The following RPS6KC1 variants were observed in gnomAD, a reference collection of about 807,000 sequenced individuals.
RPS6KC1 encodes the protein inactive ribosomal protein S6 kinase delta-1.
A neutral mutation model predicts 103.8 loss-of-function variants in RPS6KC1; 54 were observed. The observed-to-expected ratio is 0.52, with a 90% confidence interval of 0.42 to 0.65. The LOEUF is 0.65. RPS6KC1 is among the 30% of genes least tolerant of loss of function. The pLI, the probability that RPS6KC1 is intolerant of heterozygous loss-of-function variation, is 0.00. For synonymous variants in RPS6KC1, 439 were observed against 438.7 expected (o/e 1.00, Z -0.01); for missense variants, 1,151 against 1,253.8 (o/e 0.92, Z 1.24).
the RPS6KC1 span, among the ~76,000 whole-genome samples, chr1:213,736,258 G>A: frequency 5.3e-5 from 8 of 152,166 alleles, no homozygotes; most frequent in African/African-American, 1.4e-4. Flanking sequence ...TCTAGTCAGG[G>A]TCCCACAAGA....
the RPS6KC1 span, among the ~76,000 whole-genome samples, chr1:213,746,302 G>A: frequency 6.6e-6 from 1 of 152,336 alleles, no homozygotes; most frequent in East Asian, 1.9e-4. Flanking sequence ...AGAGACTGCA[G>A]GGAGGTGAGG....
At chr1:213,287,393 C>T in the RPS6KC1 span, among the ~76,000 whole-genome samples, 3 of 152,190 alleles carry the variant, frequency 2.0e-5, no homozygotes, top group East Asian at 1.9e-4. Flanking sequence ...ACTTAGGAAA[C>T]GACCACTCTT....
chr1:213,103,580 G>T (rs2082206163), intron 3 of RPS6KC1, among the ~76,000 whole-genome samples: 1 of 152,172 alleles, frequency 6.6e-6, no homozygotes, highest in South Asian at 2.1e-4. Flanking sequence ...TAGTGGTTCA[G>T]TTTCACTTGC....
chr1:213,227,082 A>G lies in RPS6KC1; in HGVS notation c.1045-3415A>G, dbSNP rs544998075. Among the ~76,000 whole-genome samples the G allele has an allele frequency of 3.9e-5, 6 of 152,224 alleles. No individual in the cohort carries two copies. In the East Asian group the frequency reaches 1.2e-3, roughly 29 times the overall value. On this transcript the variant is annotated intron_variant, in intron 8 of 14. Coordinates refer to ENST00000366960, the MANE Select transcript of RPS6KC1 (RefSeq NM_012424.6). The stretch of plus-strand genomic sequence containing the variant: ...TTTTATGCTTATTTCCTTATCTGTA[A>G]ACTTGATTAATAAAAGATACCTACC...
At chr1:213,218,016 C>G (rs987633402) in intron 8 of RPS6KC1, among the ~76,000 whole-genome samples, 2 of 152,144 alleles carry the variant, frequency 1.3e-5, no homozygotes, top group African/African-American at 4.8e-5. Context: ...TTGAATAGTT[C>G]TGGCCAAGGC....
At chr1:213,545,358 T>A in the RPS6KC1 span, among the ~76,000 whole-genome samples, 1 of 145,016 alleles carries the variant, frequency 6.9e-6, no homozygotes, top group Non-Finnish European at 1.5e-5. Context: ...GAGACAAGAG[T>A]GAAACTCTGT....
Position 213,209,554 on chromosome 1 carries a change from G to T in RPS6KC1, c.1045-20943G>T, listed in dbSNP as rs1466056238. ...CTACTAAAAATACAAAATTAGCTTG[G>T]TGTGGTGGCCCATGCCTGTAATCCC... is the stretch of plus-strand genomic sequence containing the variant. On this transcript the variant is annotated intron_variant, in intron 8 of 14. Transcript: ENST00000366960. Among the ~76,000 whole-genome samples, 5 of 152,028 alleles carry T rather than the reference G, an allele frequency of 3.3e-5. No homozygotes were observed. In the East Asian group the frequency reaches 9.7e-4, roughly 29 times the overall value.
At chr1:213,360,947 G>C in the RPS6KC1 span, among the ~76,000 whole-genome samples, 1 of 152,320 alleles carries the variant, frequency 6.6e-6, no homozygotes, top group African/African-American at 2.4e-5. Flanking sequence ...ACTCGGCTGC[G>C]TGAGGTGTCA....
the RPS6KC1 span, among the ~76,000 whole-genome samples, chr1:213,354,846 T>C: frequency 3.3e-5 from 5 of 152,224 alleles, no homozygotes; most frequent in African/African-American, 7.2e-5. Flanking sequence ...CTTCTCGATA[T>C]TGCCACATTG....
At chr1:213,375,308 CAT>C in the RPS6KC1 span, among the ~76,000 whole-genome samples, 427 of 152,058 alleles carry the variant, frequency 2.8e-3, no homozygotes, top group African/African-American at 9.6e-3. Context: ...CACATACACA[CAT>C]AGGCATATAC....
the RPS6KC1 span, among the ~76,000 whole-genome samples, chr1:213,456,977 C>G: frequency 6.6e-6 from 1 of 152,150 alleles, no homozygotes; most frequent in African/African-American, 2.4e-5. Context: ...TTTGAAATGG[C>G]AGAAGTTTCT....
At chr1:213,617,978 T>A in the RPS6KC1 span, among the ~76,000 whole-genome samples, 2 of 152,358 alleles carry the variant, frequency 1.3e-5, no homozygotes, top group Admixed American at 6.5e-5. Context: ...GAATTGGTTC[T>A]TCCTTGTGAT....
At chr1:213,416,762 G>A in the RPS6KC1 span, among the ~76,000 whole-genome samples, 1 of 152,146 alleles carries the variant, frequency 6.6e-6, no homozygotes, top group Non-Finnish European at 1.5e-5. Flanking sequence ...AAACCATCTG[G>A]CCAGCTCCAG....
At chr1:213,486,785 C>G in the RPS6KC1 span, among the ~76,000 whole-genome samples, 1 of 152,124 alleles carries the variant, frequency 6.6e-6, no homozygotes, top group Non-Finnish European at 1.5e-5. Flanking sequence ...GCTGGGAATA[C>G]AAGGTAGTCA....
chr1:213,563,792 C>A, the RPS6KC1 span, among the ~76,000 whole-genome samples: 1 of 151,810 alleles, frequency 6.6e-6, no homozygotes, highest in Non-Finnish European at 1.5e-5. Flanking sequence ...CTGATCATTT[C>A]TTTTCATCTT....
chr1:213,339,440 T>C, the RPS6KC1 span, among the ~76,000 whole-genome samples: 1 of 152,198 alleles, frequency 6.6e-6, no homozygotes, highest in Non-Finnish European at 1.5e-5. Context: ...CTGGTCCAAA[T>C]TGTCCATCCA....
the RPS6KC1 span, among the ~76,000 whole-genome samples, chr1:213,470,729 G>T: frequency 1.1e-4 from 16 of 146,224 alleles, no homozygotes; most frequent in African/African-American, 4.1e-4. Flanking sequence ...CAAGCAATCC[G>T]CCCACCTCAG....
chr1:213,545,505 T>C, the RPS6KC1 span, among the ~76,000 whole-genome samples: 2 of 152,272 alleles, frequency 1.3e-5, no homozygotes, highest in East Asian at 3.9e-4. Context: ...TCCCTGTGCC[T>C]CTTCACATTA....
chr1:213,487,815 C>T, the RPS6KC1 span, among the ~76,000 whole-genome samples: 13 of 152,224 alleles, frequency 8.5e-5, no homozygotes, highest in East Asian at 2.5e-3. Context: ...AGAATTGTAT[C>T]AGGAATGTGG....
Sources: allele counts gnomAD v4.1 joint callset (sites outside exome capture counted in the v4.1 genomes callset), GRCh38; gene constraint gnomAD v4.1.1; transcripts MANE v1.5; gene names NCBI Gene and HGNC (gene_info 2026-07-23, HGNC 2026-07-21).